The following PCDHA11 variants were observed in gnomAD, a reference collection of about 807,000 sequenced individuals.
PCDHA11 encodes protocadherin alpha 11, also known as protocadherin alpha-11.
In PCDHA11, 61 loss-of-function variants were observed where a neutral mutation model predicts 70.3. The ratio of observed to expected loss-of-function variants is 0.87; its 90% CI spans 0.71 to 1.07. PCDHA11 has a LOEUF of 1.07. Among genes scored for constraint, PCDHA11 ranks in the 50% least tolerant of loss-of-function variants. The pLI is 0.00. For synonymous variants in PCDHA11, 633 were observed against 555.1 expected (o/e 1.14, Z -1.97); for missense variants, 1,324 against 1,237.5 (o/e 1.07, Z -1.05).
Position 140,871,331 on chromosome 5 carries a change from C to A in PCDHA11, c.2228C>A (p.Ala743Glu), listed in dbSNP as rs1414219251. 6.2e-7 allele frequency: 1 copy of A among 1,614,102 alleles called. No individual in the cohort carries two copies. Among genetic ancestry groups the A allele is most frequent in the Non-Finnish European group, 8.5e-7 (1 of 1,180,022 alleles). Residue 743 changes from alanine (A) to glutamate (E), a missense_variant, in exon 1 of 4, where the codon GCG becomes GAG. Physicochemically the swap from Ala to Glu is moderately radical, Grantham distance 107. Coordinates refer to ENST00000398640, the MANE Select transcript of PCDHA11 (RefSeq NM_018902.5). ...AAGCCCACGCTGGTGTGCTCCCGCG[C>A]GGTGGGGAGCTGGTCATACTCGCAG... ...PGKPTLVCSR[A>E]VGSWSYSQQR...
intron 1 of PCDHA11, among the ~76,000 whole-genome samples, chr5:140,874,643 G>T (rs1423931291): frequency 1.3e-5 from 2 of 152,178 alleles, no homozygotes; most frequent in Non-Finnish European, 2.9e-5. Flanking sequence ...CTTTACTTTT[G>T]CTAGAGTAAA....
chr5:140,971,386 G>A (rs1413710321), intron 1 of PCDHA11, among the ~76,000 whole-genome samples: 1 of 152,140 alleles, frequency 6.6e-6, no homozygotes, highest in East Asian at 1.9e-4. Flanking sequence ...CTTTAATAAA[G>A]GCAAATTTCT....
At chr5:140,889,904 TTGTCATAC>T (rs1320793501) in intron 1 of PCDHA11, among the ~76,000 whole-genome samples, 4 of 152,172 alleles carry the variant, frequency 2.6e-5, no homozygotes, top group Non-Finnish European at 5.9e-5. Context: ...TACCTTGAGA[TTGTCATAC>T]TGTAAAGAAG....
chr5:140,884,534 C>T (rs781847666), intron 1 of PCDHA11: 3 of 1,614,180 alleles, frequency 1.9e-6, no homozygotes, highest in Admixed American at 3.3e-5. Context: ...GCAGAGGCGG[C>T]CGAGGGTGTG....
At chr5:140,882,201 C>T in intron 1 of PCDHA11, 1 of 1,528,460 alleles carries the variant, frequency 6.5e-7, no homozygotes, top group Non-Finnish European at 8.8e-7. Context: ...AAAATTGGGC[C>T]TTGAGAGACA....
chr5:140,947,107 G>A (rs1041048233), intron 1 of PCDHA11, among the ~76,000 whole-genome samples: 12 of 151,202 alleles, frequency 7.9e-5, no homozygotes, highest in South Asian at 4.2e-4. Flanking sequence ...AAATAGGTAC[G>A]TGTCAATTAA....
intron 1 of PCDHA11, among the ~76,000 whole-genome samples, chr5:140,898,545 C>CCG (rs2153461002): frequency 1.3e-5 from 2 of 152,322 alleles, no homozygotes; most frequent in East Asian, 3.9e-4. Context: ...TTCCATTTAT[C>CCG]TATGTCTCTG....
At chr5:140,955,163 TTTGG>T (rs1445630947) in intron 1 of PCDHA11, among the ~76,000 whole-genome samples, 2 of 152,184 alleles carry the variant, frequency 1.3e-5, no homozygotes, top group Admixed American at 6.5e-5. Flanking sequence ...ACCGTGCTGT[TTTGG>T]TTACTGTAGT....
At chr5:140,921,534 G>A (rs1413381073) in intron 1 of PCDHA11, among the ~76,000 whole-genome samples, 3 of 152,130 alleles carry the variant, frequency 2.0e-5, no homozygotes, top group African/African-American at 7.2e-5. Context: ...TCTGCTGATA[G>A]AACATTCTGC....
intron 1 of PCDHA11, chr5:140,968,917 T>G: frequency 6.2e-7 from 1 of 1,614,216 alleles, no homozygotes; most frequent in Non-Finnish European, 8.5e-7. Flanking sequence ...CAGTGTCTTT[T>G]ATATTTCTTT....
intron 3 of PCDHA11, among the ~76,000 whole-genome samples, chr5:140,991,237 A>G (rs2097440162): frequency 6.6e-6 from 1 of 152,186 alleles, no homozygotes; most frequent in African/African-American, 2.4e-5. Context: ...ATGCAGTGGT[A>G]AAGGCAGTAT....
At chr5:140,979,068 C>G in intron 2 of PCDHA11, 61 bp downstream of exon 2, 1 of 1,602,182 alleles carries the variant, frequency 6.2e-7, no homozygotes. Flanking sequence ...CTCAGATAAA[C>G]TGCATCTCCA....
intron 1 of PCDHA11, among the ~76,000 whole-genome samples, chr5:140,914,941 T>C (rs1554196635): frequency 6.9e-6 from 1 of 145,614 alleles, no homozygotes; most frequent in Non-Finnish European, 1.5e-5. Flanking sequence ...TGTGAAAAGT[T>C]GTCTTTTTTT....
intron 1 of PCDHA11, among the ~76,000 whole-genome samples, chr5:140,941,183 T>C (rs2092749314): frequency 8.3e-6 from 1 of 120,094 alleles, no homozygotes; most frequent in African/African-American, 3.0e-5. Flanking sequence ...AACATCCTGC[T>C]TCTTTTTTTT....
In PCDHA11 at chr5:141,010,605, A is replaced by G. The variant is rs2098417765; in HGVS notation, c.*668A>G. ...AAAGTCTGTTGGCTGTGACGTCATT[A>G]TACCTAAAATCTGCATCATACCTGC... On this transcript the variant is annotated 3_prime_UTR_variant, in exon 4 of 4. Transcript: ENST00000398640. 1 of 206,202 alleles carries G rather than the reference A, an allele frequency of 4.8e-6. No individual in the cohort carries two copies. Among genetic ancestry groups the G allele is most frequent in the Non-Finnish European group, 9.9e-6 (1 of 101,122 alleles). 12.8% of individuals were successfully genotyped at this position (206,202 alleles called of 1,614,324 possible). A position where few individuals can be genotyped will look rare whatever the true frequency, so the allele number is the denominator to read the frequency against.
intron 1 of PCDHA11, among the ~76,000 whole-genome samples, chr5:140,916,528 C>T (rs2077601043): frequency 6.6e-6 from 1 of 152,154 alleles, no homozygotes; most frequent in South Asian, 2.1e-4. Context: ...TGGGTCCTTC[C>T]CACCAAGGCA....
chr5:140,954,830 T>TG (rs2095095109), intron 1 of PCDHA11, among the ~76,000 whole-genome samples: 1 of 152,220 alleles, frequency 6.6e-6, no homozygotes, highest in Admixed American at 6.5e-5. Flanking sequence ...GGCACTTTTG[T>TG]CATGAAATCT....
At chr5:140,927,793 C>A in intron 1 of PCDHA11, 1 of 1,614,180 alleles carries the variant, frequency 6.2e-7, no homozygotes, top group Non-Finnish European at 8.5e-7. Context: ...TTCACTAGGT[C>A]CGCCTGAAAC....
intron 1 of PCDHA11, among the ~76,000 whole-genome samples, chr5:140,935,149 T>C (rs1241997966): frequency 6.6e-6 from 1 of 152,192 alleles, no homozygotes; most frequent in Admixed American, 6.5e-5. Context: ...CTTAGAGATA[T>C]AATCTCAACA....
Sources: gnomAD v4.1 joint callset for allele counts (sites outside exome capture counted in the v4.1 genomes callset) on GRCh38, gnomAD v4.1.1 for gene constraint, MANE v1.5 for transcripts, NCBI Gene and HGNC (gene_info 2026-07-23, HGNC 2026-07-21) for gene names.